STARD13: variants seen among roughly 807,000 people sequenced by gnomAD.
STARD13 encodes stAR-related lipid transfer protein 13.
A neutral mutation model predicts 106.4 loss-of-function variants in STARD13; 62 were observed. The observed-to-expected ratio is 0.58, with a 90% CI of 0.48 to 0.72. The LOEUF is 0.72. STARD13 is among the 30% of genes least tolerant of loss of function. The probability of loss-of-function intolerance (pLI) is 0.00; values close to 1 mark genes in which losing one functional copy is unlikely to be tolerated. For missense variants in STARD13, 1,387 were observed against 1,424.0 expected, an observed-to-expected ratio of 0.97 and a Z score of 0.42; for synonymous variants, 565 against 553.0, an observed-to-expected ratio of 1.02 and a Z score of -0.31.
At chr13:33,279,974 A>G (rs1358040445) in intron 1 of STARD13, 3 of 152,054 alleles carry the variant, frequency 2.0e-5, no homozygotes, top group Non-Finnish European at 4.4e-5. Context: ...CCACTCTTAA[A>G]AAAAAAAACA....
At chr13:33,622,593 C>T in the STARD13 span, among the ~76,000 whole-genome samples, 6 of 115,792 alleles carry the variant, frequency 5.2e-5, no homozygotes, top group Admixed American at 5.2e-4. Flanking sequence ...CCAGTCTCGG[C>T]GACAGAGCGA....
At chr13:33,213,456 A>G (rs1259996556) in intron 1 of STARD13, among the ~76,000 whole-genome samples, 1 of 152,186 alleles carries the variant, frequency 6.6e-6, no homozygotes, top group Non-Finnish European at 1.5e-5. Flanking sequence ...GATAAACAAA[A>G]TCTCCATCAC....
intron 6 of STARD13, among the ~76,000 whole-genome samples, chr13:33,126,773 G>A (rs1275990046): frequency 6.6e-6 from 1 of 152,078 alleles, no homozygotes; most frequent in Non-Finnish European, 1.5e-5. Context: ...AAGCACCATT[G>A]ATTTTTTAAA....
intron 1 of STARD13, among the ~76,000 whole-genome samples, chr13:33,329,649 GTGTGTA>G (rs1038204243): frequency 2.8e-5 from 2 of 70,602 alleles, no homozygotes; most frequent in Non-Finnish European, 5.9e-5. Flanking sequence ...TCCATTGTGT[GTGTGTA>G]TGTGTGTGTG....
intron 1 of STARD13, chr13:33,281,115 C>A (rs1326420514): frequency 2.0e-5 from 3 of 152,040 alleles, no homozygotes; most frequent in Non-Finnish European, 2.9e-5. Flanking sequence ...GATTCCAGAA[C>A]CTGAGACACA....
At chr13:33,188,993 T>C (rs1243624723) in intron 1 of STARD13, among the ~76,000 whole-genome samples, 1 of 152,352 alleles carries the variant, frequency 6.6e-6, no homozygotes, top group East Asian at 1.9e-4. Flanking sequence ...CTAATTGTTA[T>C]TGCTTATTAG....
At chr13:33,124,113 T>C (rs1205483613) in intron 7 of STARD13, among the ~76,000 whole-genome samples, 1 of 152,228 alleles carries the variant, frequency 6.6e-6, no homozygotes, top group South Asian at 2.1e-4. Context: ...TACTAGCTCT[T>C]GCTTGCTCTG....
At chr13:33,344,581 A>C (rs143971081), downstream of STARD13, among the ~76,000 whole-genome samples, 7 of 152,330 alleles carry the variant, frequency 4.6e-5, no homozygotes, top group East Asian at 1.4e-3. Flanking sequence ...ATATCACTTC[A>C]CAGGATGCTA....
chr13:33,379,757 G>T, the STARD13 span, among the ~76,000 whole-genome samples: 2 of 152,190 alleles, frequency 1.3e-5, no homozygotes, highest in Non-Finnish European at 2.9e-5. Context: ...CACACAGCAG[G>T]TGACCAGCTG....
chr13:33,516,217 TC>T, the STARD13 span, among the ~76,000 whole-genome samples: 1 of 148,128 alleles, frequency 6.8e-6, no homozygotes, highest in African/African-American at 2.5e-5. Context: ...TAATATATAT[TC>T]AGTATCTATA....
chr13:33,478,642 A>G, the STARD13 span, among the ~76,000 whole-genome samples: 1 of 152,180 alleles, frequency 6.6e-6, no homozygotes, highest in East Asian at 1.9e-4. Context: ...CAGGCTGGGC[A>G]TGGTGGCTCA....
chr13:33,493,531 G>A, the STARD13 span, among the ~76,000 whole-genome samples: 1 of 152,098 alleles, frequency 6.6e-6, no homozygotes. Flanking sequence ...GGGAGTATTA[G>A]TAATAAGTAA....
the STARD13 span, among the ~76,000 whole-genome samples, chr13:33,443,691 G>A: frequency 2.6e-5 from 4 of 151,766 alleles, no homozygotes; most frequent in Admixed American, 6.6e-5. Context: ...CAAGACCAGC[G>A]TGGCCAACAT....
chr13:33,184,698 T>C (rs916093718), intron 1 of STARD13, among the ~76,000 whole-genome samples: 25 of 152,388 alleles, frequency 1.6e-4, no homozygotes, highest in African/African-American at 6.0e-4. Flanking sequence ...TTTAGTTTAC[T>C]GCTGCAATCC....
chr13:33,389,146 TGGGATTTC>T, the STARD13 span, among the ~76,000 whole-genome samples: 1 of 151,772 alleles, frequency 6.6e-6, no homozygotes, highest in Non-Finnish European at 1.5e-5. Flanking sequence ...TTAGTAGAGA[TGGGATTTC>T]ACCATGTTGG....
chr13:33,252,626 G>A (rs2138290915), intron 1 of STARD13, among the ~76,000 whole-genome samples: 1 of 152,288 alleles, frequency 6.6e-6, no homozygotes, highest in South Asian at 2.1e-4. Context: ...CAATAGTATT[G>A]ACCCAGCAGG....
chr13:33,246,646 C>T (rs56983832), intron 1 of STARD13, among the ~76,000 whole-genome samples: 1 of 151,994 alleles, frequency 6.6e-6, no homozygotes, highest in Non-Finnish European at 1.5e-5. Context: ...AGAAGATATT[C>T]TAAACCTTCA....
At chr13:33,392,258 C>T in the STARD13 span, among the ~76,000 whole-genome samples, 2 of 152,096 alleles carry the variant, frequency 1.3e-5, no homozygotes, top group Non-Finnish European at 2.9e-5. Context: ...TGCCTGGTGA[C>T]CCCATGCCCA....
the STARD13 span, among the ~76,000 whole-genome samples, chr13:33,384,169 G>T: frequency 6.6e-6 from 1 of 152,206 alleles, no homozygotes; most frequent in Non-Finnish European, 1.5e-5. Context: ...TCTGATCACA[G>T]GCTGTACTCA....
Sources: allele counts gnomAD v4.1 joint callset (sites outside exome capture counted in the v4.1 genomes callset), GRCh38; gene constraint gnomAD v4.1.1; transcripts MANE v1.5; gene names NCBI Gene and HGNC (gene_info 2026-07-23, HGNC 2026-07-21).